MACROD2: variants seen among roughly 807,000 people sequenced by gnomAD.
The protein encoded by MACROD2 is mono-ADP ribosylhydrolase 2.
MACROD2 carries 36 observed loss-of-function variants against 70.4 expected under a neutral mutation model. The ratio of observed to expected loss-of-function variants is 0.51; its 90% CI spans 0.39 to 0.68. MACROD2 has a LOEUF of 0.68. Among genes scored for constraint, MACROD2 ranks in the 30% least tolerant of loss-of-function variants. The pLI is 0.00. For missense variants in MACROD2, 496 were observed against 538.4 expected (o/e 0.92, Z 0.78); for synonymous variants, 172 against 178.8 (o/e 0.96, Z 0.30).
chr20:14,049,174 T>TAAA (rs71335946), intron 2 of MACROD2, among the ~76,000 whole-genome samples: 118 of 69,678 alleles, frequency 1.7e-3, no homozygotes, highest in South Asian at 4.9e-3. Flanking sequence ...ATATATTTAA[T>TAAA]AAAAAAAAAA....
chr20:15,489,677 A>G (rs2047203548), intron 7 of MACROD2, among the ~76,000 whole-genome samples: 1 of 152,192 alleles, frequency 6.6e-6, no homozygotes, highest in Non-Finnish European at 1.5e-5. Context: ...CCCTGCCCAC[A>G]GGGGCTTCCA....
At chr20:14,237,664 G>T (rs1293820574) in intron 3 of MACROD2, among the ~76,000 whole-genome samples, 2 of 151,486 alleles carry the variant, frequency 1.3e-5, no homozygotes, top group Non-Finnish European at 1.5e-5. Context: ...TTAGCATTAG[G>T]TATATCTCCT....
intron 8 of MACROD2, among the ~76,000 whole-genome samples, chr20:15,632,239 C>T (rs2049302308): frequency 6.6e-6 from 1 of 151,744 alleles, no homozygotes; most frequent in African/African-American, 2.4e-5. Flanking sequence ...TTGGCTTATT[C>T]TGAAGACAGT....
At chr20:15,431,308 G>A in intron 6 of MACROD2, 97 bp from the exon 7 acceptor site, 1 of 1,074,922 alleles carries the variant, frequency 9.3e-7, no homozygotes, top group Non-Finnish European at 1.4e-6. Context: ...GTAAGTAGAG[G>A]GCATCCCATT....
At chr20:15,080,082 C>T (rs414368) in intron 5 of MACROD2, among the ~76,000 whole-genome samples, 95,290 of 151,190 alleles carry the variant, frequency 0.63, 30,285 homozygotes, top group East Asian at 0.73. Context: ...TTTCTCTTGA[C>T]TCTAATGCCT....
At chr20:15,657,554 A>G (rs2049750174) in intron 8 of MACROD2, among the ~76,000 whole-genome samples, 1 of 152,240 alleles carries the variant, frequency 6.6e-6, no homozygotes, top group Admixed American at 6.5e-5. Flanking sequence ...TTTATGAAAT[A>G]AATATGCTTA....
chr20:14,091,835 A>G (rs865833185), intron 3 of MACROD2, among the ~76,000 whole-genome samples: 20 of 152,188 alleles, frequency 1.3e-4, no homozygotes, highest in African/African-American at 4.8e-4. Context: ...TCAACCATTC[A>G]CCCATTGAGG....
intron 6 of MACROD2, among the ~76,000 whole-genome samples, chr20:15,239,131 A>G (rs1365271719): frequency 6.6e-6 from 1 of 151,940 alleles, no homozygotes; most frequent in Non-Finnish European, 1.5e-5. Context: ...GGTTAATAGT[A>G]TAGAGCAAAG....
In MACROD2 at chr20:15,840,150, A is replaced by G. The variant is rs182798973; in HGVS notation, c.646-22595A>G. On this transcript the variant is annotated intron_variant, in intron 8 of 17. Coordinates refer to ENST00000684519, the MANE Select transcript of MACROD2 (RefSeq NM_001351661.2). ...CTAGAGAAAGTCTGGCACTGTGGCC[A>G]TGACAGTGGCTCAAGCCACCACAGA... Among the ~76,000 whole-genome samples, 12 of 152,336 alleles carry G rather than the reference A, an allele frequency of 7.9e-5. No homozygotes were observed. The East Asian group carries it at 2.1e-3, about 27-fold the overall frequency.
intron 6 of MACROD2, among the ~76,000 whole-genome samples, chr20:15,301,462 A>T (rs939254419): frequency 2.0e-5 from 3 of 151,998 alleles, no homozygotes; most frequent in Non-Finnish European, 4.4e-5. Flanking sequence ...TTAGCTTCCT[A>T]GTGTCTTCTT....
chr20:14,037,349 A>G (rs1419297566), intron 2 of MACROD2, among the ~76,000 whole-genome samples: 2 of 152,212 alleles, frequency 1.3e-5, no homozygotes, highest in East Asian at 3.9e-4. Flanking sequence ...TTATAGAAAT[A>G]TTTTTACAGT....
chr20:15,660,830 A>G (rs1426664104), intron 8 of MACROD2, among the ~76,000 whole-genome samples: 1 of 135,190 alleles, frequency 7.4e-6, no homozygotes, highest in East Asian at 2.6e-4. Flanking sequence ...CTTCAACGTT[A>G]TGTTTAATTG....
At chr20:14,911,797 G>T (rs1288498410) in intron 5 of MACROD2, among the ~76,000 whole-genome samples, 1 of 152,010 alleles carries the variant, frequency 6.6e-6, no homozygotes, top group Non-Finnish European at 1.5e-5. Flanking sequence ...TGTACTATAT[G>T]AATTAAACCT....
intron 8 of MACROD2, among the ~76,000 whole-genome samples, chr20:15,815,082 A>G (rs183794076): frequency 8.5e-5 from 13 of 152,344 alleles, no homozygotes; most frequent in Admixed American, 5.2e-4. Flanking sequence ...ATAGAGGCCA[A>G]CTTGCAAAAT....
At chr20:15,743,760 C>T (rs1470664832) in intron 8 of MACROD2, among the ~76,000 whole-genome samples, 1 of 152,286 alleles carries the variant, frequency 6.6e-6, no homozygotes, top group East Asian at 1.9e-4. Flanking sequence ...AAAGTTCTCT[C>T]GTTTAGCACA....
At chr20:14,221,642 A>C (rs2081675218) in intron 3 of MACROD2, among the ~76,000 whole-genome samples, 1 of 152,358 alleles carries the variant, frequency 6.6e-6, no homozygotes, top group South Asian at 2.1e-4. Flanking sequence ...ATGAGCTTTA[A>C]GTAAACTAAA....
chr20:14,668,492 C>T (rs1030986765), intron 4 of MACROD2, among the ~76,000 whole-genome samples: 1 of 152,134 alleles, frequency 6.6e-6, no homozygotes, highest in African/African-American at 2.4e-5. Flanking sequence ...GCCTAGGGTA[C>T]AGGGACTGAA....
intron 3 of MACROD2, among the ~76,000 whole-genome samples, chr20:14,398,077 A>T (rs1044869206): frequency 2.0e-5 from 3 of 152,120 alleles, no homozygotes; most frequent in African/African-American, 7.2e-5. Context: ...ATTGATAAAT[A>T]GTATTTTATT....
chr20:15,983,980 A>G (rs2066439301), intron 13 of MACROD2, among the ~76,000 whole-genome samples: 1 of 152,148 alleles, frequency 6.6e-6, no homozygotes, highest in African/African-American at 2.4e-5. Flanking sequence ...TGTTTCTTGT[A>G]TGATTTTTAT....
Sources: allele counts gnomAD v4.1 joint callset (sites outside exome capture counted in the v4.1 genomes callset), GRCh38; gene constraint gnomAD v4.1.1; transcripts MANE v1.5; gene names NCBI Gene and HGNC (gene_info 2026-07-23, HGNC 2026-07-21).